BRINP2: variants seen among roughly 807,000 people sequenced by gnomAD.
BRINP2 encodes the protein BMP/retinoic acid-inducible neural-specific protein 2.
Under a neutral mutation model 69.2 loss-of-function variants are expected in BRINP2, and 21 were observed. The observed-to-expected ratio is 0.30, with a 90% CI of 0.22 to 0.44. BRINP2 has a LOEUF of 0.44. Ranked by LOEUF, BRINP2 falls within the 20% of genes least tolerant of loss-of-function variation. The pLI is 1.00. For missense variants in BRINP2, 877 were observed against 986.0 expected (o/e 0.89, Z 1.48); for synonymous variants, 380 against 394.1 (o/e 0.96, Z 0.42).
chr1:177,261,903 C>T (rs1052363211), intron 4 of BRINP2, among the ~76,000 whole-genome samples: 1 of 152,108 alleles, frequency 6.6e-6, no homozygotes, highest in Non-Finnish European at 1.5e-5. Flanking sequence ...ATGTTTTTCA[C>T]AAAAGAAGTA....
intron 1 of BRINP2, among the ~76,000 whole-genome samples, chr1:177,176,494 A>C: frequency 6.7e-6 from 1 of 149,698 alleles, no homozygotes. Context: ...GAAAAGTTAA[A>C]ATTATGTAAG....
At chr1:177,195,250 A>C (rs1175255149) in intron 1 of BRINP2, among the ~76,000 whole-genome samples, 1 of 152,110 alleles carries the variant, frequency 6.6e-6, no homozygotes, top group Non-Finnish European at 1.5e-5. Flanking sequence ...CAAGTTTTGG[A>C]GGCACTTCCA....
At chr1:177,208,226 C>T (rs1402611365) in intron 1 of BRINP2, among the ~76,000 whole-genome samples, 2 of 152,176 alleles carry the variant, frequency 1.3e-5, no homozygotes, top group Non-Finnish European at 2.9e-5. Flanking sequence ...GTACTAGCCA[C>T]AGGTACTAAG....
chr1:177,273,913 C>A (rs749191729), intron 5 of BRINP2, among the ~76,000 whole-genome samples: 28 of 152,200 alleles, frequency 1.8e-4, no homozygotes, highest in Non-Finnish European at 3.2e-4. Flanking sequence ...GAAGCCTTTA[C>A]CTAGTTCAAC....
In BRINP2 at chr1:177,276,429, A is replaced by C. The variant is rs1333540249; in HGVS notation, c.1007A>C (p.Glu336Ala). ...GCCACTCACAACCGGCAGTTTGAAGAGTCAGGTGAGCAGCCAGAATTCCTC... is the reference window on the plus strand; with the variant it reads ...GCCACTCACAACCGGCAGTTTGAAGCGTCAGGTGAGCAGCCAGAATTCCTC... ...SWATHNRQFE[E>A]SEEFQALLKR... The change falls in exon 6 of 8, where the codon GAG becomes GCG. Residue 336 changes from glutamate (E) to alanine (A), a missense_variant. This residue lies in a region of BRINP2 where 566 missense variants were observed against 625.2 expected (regional missense o/e 0.91). Coordinates refer to ENST00000361539, the MANE Select transcript of BRINP2 (RefSeq NM_021165.4). The C allele has an allele frequency of 6.2e-7, 1 of 1,613,950 alleles. No individual in the cohort carries two copies. Among genetic ancestry groups the C allele is most frequent in the Admixed American group, 1.7e-5 (1 of 60,022 alleles).
At chr1:177,232,871 A>G (rs1244028189) in intron 2 of BRINP2, among the ~76,000 whole-genome samples, 1 of 152,150 alleles carries the variant, frequency 6.6e-6, no homozygotes, top group African/African-American at 2.4e-5. Context: ...TTCACCCTTT[A>G]AGGAAGCTTT....
intron 7 of BRINP2, among the ~76,000 whole-genome samples, chr1:177,279,863 G>A (rs1402132810): frequency 1.3e-5 from 2 of 152,214 alleles, no homozygotes; most frequent in Non-Finnish European, 2.9e-5. Context: ...TGGAGAATGA[G>A]TGTGGTGGTT....
chr1:177,239,348 G>A (rs945386135), intron 2 of BRINP2, among the ~76,000 whole-genome samples: 1 of 152,240 alleles, frequency 6.6e-6, no homozygotes, highest in Admixed American at 6.5e-5. Context: ...TGTGTTGGTT[G>A]TGCACTGCTG....
At chr1:177,218,146 C>A (rs1359849853) in intron 1 of BRINP2, among the ~76,000 whole-genome samples, 1 of 152,128 alleles carries the variant, frequency 6.6e-6, no homozygotes, top group Non-Finnish European at 1.5e-5. Flanking sequence ...CTACAGTGAT[C>A]AGCAGTCTCC....
chr1:177,266,907 G>A (rs927798475), intron 4 of BRINP2, among the ~76,000 whole-genome samples: 1 of 151,888 alleles, frequency 6.6e-6, no homozygotes, highest in African/African-American at 2.4e-5. Context: ...AAAACTGAAT[G>A]TATGTCAGCT....
intron 6 of BRINP2, among the ~76,000 whole-genome samples, chr1:177,276,857 A>G (rs1032429260): frequency 3.9e-5 from 6 of 152,208 alleles, no homozygotes; most frequent in Non-Finnish European, 5.9e-5. Flanking sequence ...GTTAAAGCTA[A>G]TATCAGTTAC....
At chr1:177,256,145 C>G (rs1336164447) in intron 3 of BRINP2, 36 bp downstream of exon 3, 1 of 1,601,450 alleles carries the variant, frequency 6.2e-7, no homozygotes, top group African/African-American at 1.3e-5. Flanking sequence ...AATTGGTTGC[C>G]AGACCATTGG....
In BRINP2 at chr1:177,208,430, C is replaced by T. The variant is rs185976802; in HGVS notation, c.-76-21371C>T. Among the ~76,000 whole-genome samples the T allele has an allele frequency of 4.1e-3, 628 of 152,254 alleles. 2 individuals are homozygous for T. The highest frequency in any genetic ancestry group is 5.0e-3 in the Non-Finnish European group (337 of 68,010). ...ATGAGAATAAGTAGATAAGTACTGT[C>T]TTTTAAAAAAGTGTACTTAACCATT... On this transcript the variant is annotated intron_variant, in intron 1 of 7. Coordinates refer to ENST00000361539, the MANE Select transcript of BRINP2 (RefSeq NM_021165.4).
chr1:177,258,983 C>T (rs1276020352), intron 4 of BRINP2, among the ~76,000 whole-genome samples: 1 of 152,154 alleles, frequency 6.6e-6, no homozygotes, highest in Non-Finnish European at 1.5e-5. Flanking sequence ...AGTCAGACAT[C>T]TCTCACTTGA....
At chr1:177,202,933 T>C (rs1395065681) in intron 1 of BRINP2, among the ~76,000 whole-genome samples, 1 of 152,082 alleles carries the variant, frequency 6.6e-6, no homozygotes, top group Non-Finnish European at 1.5e-5. Context: ...TCCTCAGGGA[T>C]CTAGAACTAG....
intron 4 of BRINP2, among the ~76,000 whole-genome samples, chr1:177,264,526 T>C (rs1007307874): frequency 6.6e-6 from 1 of 152,316 alleles, no homozygotes; most frequent in East Asian, 1.9e-4. Flanking sequence ...TTATCTCTGT[T>C]TGCAGATGAC....
At chr1:177,227,033 T>C (rs1323396699) in intron 1 of BRINP2, among the ~76,000 whole-genome samples, 1 of 152,210 alleles carries the variant, frequency 6.6e-6, no homozygotes. Flanking sequence ...ATCTAAAATA[T>C]CTGCCATCTG....
chr1:177,191,684 G>A (rs964966645), intron 1 of BRINP2, among the ~76,000 whole-genome samples: 1 of 152,144 alleles, frequency 6.6e-6, no homozygotes, highest in African/African-American at 2.4e-5. Flanking sequence ...TCAAACTCCT[G>A]ACCTTGTGAT....
In BRINP2 at chr1:177,273,557, T is replaced by C. The variant is rs1417683274; in HGVS notation, c.739T>C (p.Leu247=). 5 of 1,608,078 alleles carry C rather than the reference T, an allele frequency of 3.1e-6. No individual in the cohort carries two copies. Among genetic ancestry groups the C allele is most frequent in the Non-Finnish European group, 4.2e-6 (5 of 1,176,802 alleles). The part of the protein sequence containing the change: ...YDNLDSVSSV[L]VQSPENKVQL... ...CAATCTGGACTCAGTCAGTTCTGTC[T>C]TGGTACAGAGTCCAGAGAACAAAGT... The change falls in exon 5 of 8, where the codon TTG becomes CTG. Residue 247 remains leucine, a synonymous_variant. Coordinates refer to ENST00000361539, the MANE Select transcript of BRINP2 (RefSeq NM_021165.4).
Sources: allele counts gnomAD v4.1 joint callset (sites outside exome capture counted in the v4.1 genomes callset), GRCh38; gene constraint gnomAD v4.1.1; regional missense constraint gnomAD v4.1.1; transcripts MANE v1.5; gene names NCBI Gene and HGNC (gene_info 2026-07-23, HGNC 2026-07-21).